Variants in SUPT3H observed in about 807,000 individuals in gnomAD.
SUPT3H encodes SPT3 homolog, SAGA and STAGA complex component, also known as transcription initiation protein SPT3 homolog.
SUPT3H carries 44 observed loss-of-function variants against 44.3 expected under a neutral mutation model. The ratio of observed to expected loss-of-function variants is 0.99; its 90% CI spans 0.78 to 1.28. The LOEUF (loss-of-function observed/expected upper bound fraction) is 1.28, where lower values mean the gene tolerates loss of function less well. SUPT3H is among the 50% of genes most tolerant of loss of function. SUPT3H has a pLI of 0.00. For missense variants in SUPT3H, 380 were observed against 387.1 expected, an observed-to-expected ratio of 0.98 and a Z score of 0.15; for synonymous variants, 124 against 125.6, an observed-to-expected ratio of 0.99 and a Z score of 0.09.
intron 10 of SUPT3H, among the ~76,000 whole-genome samples, chr6:44,905,575 C>G (rs1765896672): frequency 6.6e-6 from 1 of 151,890 alleles, no homozygotes; most frequent in African/African-American, 2.4e-5. Flanking sequence ...GTTGGTGGGA[C>G]TGTAAACTAG....
rs1361616600 is a variant in SUPT3H at position 45,015,001 on chromosome 6, GAAAGT to G, written c.274-115_274-111del. 5 of 540,772 alleles carry G rather than the reference GAAAGT, an allele frequency of 9.2e-6. No homozygotes were observed. The East Asian group carries it at 1.4e-4, about 15-fold the overall frequency. 33.5% of individuals were successfully genotyped at this position (540,772 alleles called of 1,614,324 possible). ...TAAACTTGTACCCCATGATATCAGA[GAAAGT>G]AAAGTAATCCTTAGCATACTGCTAT... On this transcript the variant is annotated intron_variant, in intron 4 of 10. Transcript: ENST00000371459.
intron 2 of SUPT3H, among the ~76,000 whole-genome samples, chr6:45,171,876 C>T (rs1396686218): frequency 1.3e-5 from 2 of 151,350 alleles, no homozygotes; most frequent in Non-Finnish European, 2.9e-5. Flanking sequence ...CAACACCACG[C>T]CCAGCTAATT....
At chr6:45,328,705 T>C (rs751540046) in intron 2 of SUPT3H, 8 of 1,611,616 alleles carry the variant, frequency 5.0e-6, no homozygotes, top group Non-Finnish European at 5.9e-6. Flanking sequence ...ACAAGTTCTA[T>C]CTGAAAAAAA....
rs1169580776 is a variant in SUPT3H, at chr6:45,224,776, T to G, written c.102-118770A>C. Among the ~76,000 whole-genome samples the G allele has an allele frequency of 7.0e-5, 10 of 142,304 alleles. No individual in the cohort carries two copies. The East Asian group carries it at 1.9e-3, about 26-fold the overall frequency. 93.4% of individuals were successfully genotyped at this position (142,304 alleles called of 152,430 possible). ...CTGGGCGAAAGAGTGAGACTTTGTCTCCAAAAAAAAAAAAGAAAGAAAGAT... is the reference window on the plus strand; with the variant it reads ...CTGGGCGAAAGAGTGAGACTTTGTCGCCAAAAAAAAAAAAGAAAGAAAGAT... On this transcript the variant is annotated intron_variant, in intron 2 of 10. Coordinates refer to ENST00000371459, the MANE Select transcript of SUPT3H (RefSeq NM_003599.4).
At chr6:45,244,313 T>C (rs1055098307) in intron 2 of SUPT3H, among the ~76,000 whole-genome samples, 5 of 152,210 alleles carry the variant, frequency 3.3e-5, no homozygotes, top group African/African-American at 1.2e-4. Context: ...TTCTCAAACA[T>C]TTCAAGCAAC....
chr6:45,112,534 T>G (rs1284978), intron 2 of SUPT3H, among the ~76,000 whole-genome samples: 1 of 152,014 alleles, frequency 6.6e-6, no homozygotes, highest in Non-Finnish European at 1.5e-5. Flanking sequence ...CAAGCCCTGA[T>G]TAAGAATAGA....
chr6:45,374,692 C>T (rs1462143779), intron 1 of SUPT3H, among the ~76,000 whole-genome samples: 1 of 152,098 alleles, frequency 6.6e-6, no homozygotes, highest in East Asian at 1.9e-4. Context: ...AACACAAATA[C>T]TCAATCACCT....
intron 2 of SUPT3H, among the ~76,000 whole-genome samples, chr6:45,346,888 T>C (rs1790993665): frequency 6.6e-6 from 1 of 152,084 alleles, no homozygotes; most frequent in South Asian, 2.1e-4. Context: ...CTTAAATGAA[T>C]TAATGAAACA....
chr6:45,045,079 CATGGGAAGA>C (rs1239321403), intron 3 of SUPT3H, among the ~76,000 whole-genome samples: 2 of 152,046 alleles, frequency 1.3e-5, no homozygotes, highest in African/African-American at 4.8e-5. Flanking sequence ...CATCATGACT[CATGGGAAGA>C]ATGGCATCTG....
At chr6:45,258,376 G>A (rs972183915) in intron 2 of SUPT3H, among the ~76,000 whole-genome samples, 1 of 152,120 alleles carries the variant, frequency 6.6e-6, no homozygotes, top group Non-Finnish European at 1.5e-5. Flanking sequence ...TCAAACCATA[G>A]CAACCATAAT....
chr6:45,269,803 T>C (rs554020136), intron 2 of SUPT3H, among the ~76,000 whole-genome samples: 13 of 152,188 alleles, frequency 8.5e-5, no homozygotes, highest in Non-Finnish European at 1.9e-4. Context: ...ATAAAATCCA[T>C]CCACTGAAAT....
At chr6:44,918,168 C>T (rs1768109075) in intron 10 of SUPT3H, among the ~76,000 whole-genome samples, 1 of 152,214 alleles carries the variant, frequency 6.6e-6, no homozygotes, top group African/African-American at 2.4e-5. Context: ...AAATAGCCAA[C>T]ATTTTAAGTA....
chr6:45,352,291 C>T (rs1482137464), intron 2 of SUPT3H, among the ~76,000 whole-genome samples: 3 of 151,898 alleles, frequency 2.0e-5, no homozygotes, highest in African/African-American at 7.3e-5. Flanking sequence ...GTAAGCAAAC[C>T]CCTCTCAAAA....
chr6:45,007,361 A>C (rs866682363), intron 5 of SUPT3H, among the ~76,000 whole-genome samples: 1 of 152,060 alleles, frequency 6.6e-6, no homozygotes, highest in Non-Finnish European at 1.5e-5. Context: ...TCCATCTCCT[A>C]CTTTTACTTT....
chr6:45,138,495 G>A (rs145959764), intron 2 of SUPT3H, among the ~76,000 whole-genome samples: 164 of 152,104 alleles, frequency 1.1e-3, no homozygotes, highest in East Asian at 1.9e-4. Flanking sequence ...AATATGGCAC[G>A]TCCATACAAT....
intron 6 of SUPT3H, among the ~76,000 whole-genome samples, chr6:44,973,202 C>A (rs771269346): frequency 3.3e-5 from 5 of 152,160 alleles, no homozygotes; most frequent in Non-Finnish European, 5.9e-5. Flanking sequence ...ACCCAAGGAA[C>A]CTCTTGAATG....
chr6:45,033,433 T>C (rs1787244050), intron 3 of SUPT3H, among the ~76,000 whole-genome samples: 1 of 152,112 alleles, frequency 6.6e-6, no homozygotes, highest in Non-Finnish European at 1.5e-5. Flanking sequence ...GAAATTATGC[T>C]AACCAGAAGC....
chr6:44,818,365 A>G (rs535974217), intron 11 of SUPT3H, among the ~76,000 whole-genome samples: 2 of 152,192 alleles, frequency 1.3e-5, no homozygotes, highest in Non-Finnish European at 2.9e-5. Flanking sequence ...TTAAATATCT[A>G]AAAGAAAACA....
rs562824189 is a variant in SUPT3H at position 45,092,927 on chromosome 6, G to A, written c.186+12995C>T. Among the ~76,000 whole-genome samples the A allele has an allele frequency of 2.6e-5, 4 of 152,166 alleles. No homozygotes were observed. The South Asian group carries it at 8.3e-4, about 32-fold the overall frequency. The stretch of plus-strand genomic sequence containing the variant: ...ACAATGTGATTTATAAATTCACCCA[G>A]AGATGTGAGAACGACTAGAATTGAA... On this transcript the variant is annotated intron_variant, in intron 3 of 10. Coordinates refer to ENST00000371459, the MANE Select transcript of SUPT3H (RefSeq NM_003599.4).
Sources: allele counts gnomAD v4.1 joint callset (sites outside exome capture counted in the v4.1 genomes callset), GRCh38; gene constraint gnomAD v4.1.1; transcripts MANE v1.5; gene names NCBI Gene and HGNC (gene_info 2026-07-23, HGNC 2026-07-21).